ARHGAP11A: variants seen among roughly 807,000 people sequenced by gnomAD.
The protein encoded by ARHGAP11A is rho GTPase-activating protein 11A.
ARHGAP11A carries 36 observed loss-of-function variants against 60.5 expected under a neutral mutation model. The ratio of observed to expected loss-of-function variants is 0.59; its 90% CI spans 0.46 to 0.79. The LOEUF (loss-of-function observed/expected upper bound fraction) is 0.79. ARHGAP11A is among the 30% of genes least tolerant of loss of function. ARHGAP11A has a pLI of 0.00. For missense variants in ARHGAP11A, 1,071 were observed against 1,199.2 expected (o/e 0.89, Z 1.58); for synonymous variants, 362 against 415.5 (o/e 0.87, Z 1.57).
At chr15:32,627,451 C>T (rs770145563) in intron 6 of ARHGAP11A, among the ~76,000 whole-genome samples, 5 of 151,984 alleles carry the variant, frequency 3.3e-5, no homozygotes, top group East Asian at 1.9e-4. Flanking sequence ...TCTTCTTGGC[C>T]GGGCGCGATG....
intron 3 of ARHGAP11A, 107 bp downstream of exon 3, chr15:32,623,695 A>G (rs1260230248): frequency 5.0e-6 from 5 of 1,001,732 alleles, no homozygotes; most frequent in Non-Finnish European, 7.0e-6. Flanking sequence ...ACAGAAATTG[A>G]ATTTGCATTT....
chr15:32,617,506 C>G (rs2053184709), intron 1 of ARHGAP11A, among the ~76,000 whole-genome samples: 1 of 129,996 alleles, frequency 7.7e-6, no homozygotes, highest in Non-Finnish European at 1.6e-5. Context: ...GAGTCTCCCT[C>G]TGTCGCCCAG....
Position 32,632,373 on chromosome 15 carries a change from A to C in ARHGAP11A, c.1106-606A>C, listed in dbSNP as rs1453691877. On this transcript the variant is annotated intron_variant, in intron 8 of 11. Coordinates refer to ENST00000361627, the MANE Select transcript of ARHGAP11A (RefSeq NM_014783.6). ...TTTGCATGGAACACAGCAGCAGCCA[A>C]GGGATTAGGAATGTGTTATAGAATA... Among the ~76,000 whole-genome samples the C allele has an allele frequency of 8.5e-5, 13 of 152,334 alleles. No individual in the cohort carries two copies. In the South Asian group the frequency reaches 2.5e-3, roughly 29 times the overall value.
chr15:32,616,723 C>T (rs2053161316), intron 1 of ARHGAP11A, among the ~76,000 whole-genome samples: 1 of 152,154 alleles, frequency 6.6e-6, no homozygotes. Context: ...CCGGATATTG[C>T]CAGCTTACTG....
At chr15:32,623,276 T>C (rs964573056) in intron 2 of ARHGAP11A, among the ~76,000 whole-genome samples, 3 of 152,186 alleles carry the variant, frequency 2.0e-5, no homozygotes, top group African/African-American at 7.2e-5. Flanking sequence ...AAATTTAGTG[T>C]GCACATTGGA....
Position 32,629,707 on chromosome 15 carries a change from T to C in ARHGAP11A, c.1050T>C (p.Phe350=), listed in dbSNP as rs2053545549. 3 of 1,613,370 alleles carry C rather than the reference T, an allele frequency of 1.9e-6. No homozygotes were observed. The African/African-American group carries it at 4.0e-5, about 22-fold the overall frequency. ...AAAGGAAGTCCATCAAGCACAATTTTAACTTTGAGCTGTTGCCAAGTAATC... is the reference window on the plus strand; with the variant it reads ...AAAGGAAGTCCATCAAGCACAATTTCAACTTTGAGCTGTTGCCAAGTAATC... ...SKKRKSIKHN[F]NFELLPSNLF... is the part of the protein sequence containing the mutation. Residue 350 remains phenylalanine, a synonymous_variant, in exon 8 of 12, where the codon TTT becomes TTC. Coordinates refer to ENST00000361627, the MANE Select transcript of ARHGAP11A (RefSeq NM_014783.6).
chr15:32,637,657 T>G lies in ARHGAP11A; in HGVS notation c.2884T>G (p.Leu962Val). 1 of 1,614,216 alleles carries G rather than the reference T, an allele frequency of 6.2e-7. No homozygotes were observed. Among genetic ancestry groups the G allele is most frequent in the Non-Finnish European group, 8.5e-7 (1 of 1,180,028 alleles). Residue 962 changes from leucine to valine, a missense_variant, in exon 12 of 12, where the codon TTG becomes GTG. Leu to Val is a conservative substitution (Grantham distance 32). Around this residue, in one of 4 missense-constraint regions of ARHGAP11A, gnomAD observed 776 missense variants for 760.2 expected, o/e 1.02. Coordinates refer to ENST00000361627, the MANE Select transcript of ARHGAP11A (RefSeq NM_014783.6). Reference protein sequence around the residue: ...ILSDGQVKVPLDDLTNHDIVK... With the variant: ...ILSDGQVKVPVDDLTNHDIVK... ...ATCTGATGGCCAAGTTAAGGTTCCC[T>G]TGGATGATCTGACTAATCATGATAT...
chr15:32,626,301 AG>A (rs1180508751), intron 6 of ARHGAP11A, among the ~76,000 whole-genome samples: 7 of 152,116 alleles, frequency 4.6e-5, no homozygotes, highest in African/African-American at 1.7e-4. Context: ...GACATGGATT[AG>A]TTAGGAGTAC....
chr15:32,621,524 A>G (rs2053306601), intron 2 of ARHGAP11A, among the ~76,000 whole-genome samples: 2 of 152,204 alleles, frequency 1.3e-5, no homozygotes, highest in Non-Finnish European at 2.9e-5. Flanking sequence ...AGGAAAGTTT[A>G]TGTTTTAAGA....
In ARHGAP11A at chr15:32,620,139, T is replaced by G; in HGVS notation, c.161T>G (p.Leu54Arg). Residue 54 changes from leucine to arginine, a missense_variant, in exon 2 of 12, where the codon CTG becomes CGG. Coordinates refer to ENST00000361627, the MANE Select transcript of ARHGAP11A (RefSeq NM_014783.6). The part of the protein sequence containing the change: ...GKIFGVPFNA[L>R]PHSAVPEYGH... ...ATATTTGGAGTACCTTTTAATGCAC[T>G]GCCCCATTCTGCTGTACCAGAATAT... 1.2e-6 allele frequency: 2 copies of G among 1,612,372 alleles called. No individual in the cohort carries two copies. The highest frequency in any genetic ancestry group is 1.7e-6 in the Non-Finnish European group (2 of 1,179,076).
chr15:32,622,876 AGG>A, intron 2 of ARHGAP11A, among the ~76,000 whole-genome samples: 1 of 152,376 alleles, frequency 6.6e-6, no homozygotes, highest in East Asian at 1.9e-4. Context: ...AGATAAAAGA[AGG>A]TGGCCTTGGA....
Position 32,637,820 on chromosome 15 carries a change from C to T in ARHGAP11A, c.3047C>T (p.Pro1016Leu). Residue 1016 changes from proline (P) to leucine (L), a missense_variant, in exon 12 of 12, where the codon CCA (proline) becomes CTA (leucine). This residue lies in a region of ARHGAP11A where 776 missense variants were observed against 760.2 expected (regional missense o/e 1.02). Transcript: ENST00000361627. ...KHPIGKTQLL[P>L]TSKPVDL ...CCTATCGGAAAAACTCAATTACTAC[C>T]AACAAGTAAACCTGTAGATTTGTAA... The T allele has an allele frequency of 6.2e-7, 1 of 1,602,758 alleles. No homozygotes were observed. The highest frequency in any genetic ancestry group is 8.5e-7 in the Non-Finnish European group (1 of 1,176,112).
Position 32,625,609 on chromosome 15 carries a change from A to C in ARHGAP11A, c.838A>C (p.Arg280=), listed in dbSNP as rs149747594. 1.2e-5 allele frequency: 19 copies of C among 1,613,872 alleles called. No homozygotes were observed. The African/African-American group carries it at 1.7e-4, about 15-fold the overall frequency. The change falls in exon 6 of 12, where the codon AGA becomes CGA. Residue 280 remains arginine, a synonymous_variant. Coordinates refer to ENST00000361627, the MANE Select transcript of ARHGAP11A (RefSeq NM_014783.6). Reference sequence around the variant, plus strand: ...ATATGAAACTCCTGGTGAATATAAGAGAAAGAGAAGACAAAGTGTAGGAGG... The same window carrying C: ...ATATGAAACTCCTGGTGAATATAAGCGAAAGAGAAGACAAAGTGTAGGAGG... The part of the protein sequence containing the change: ...GEYETPGEYK[R]KRRQSVGDFV...
chr15:32,619,007 T>C (rs1055705847), intron 1 of ARHGAP11A, among the ~76,000 whole-genome samples: 1 of 152,184 alleles, frequency 6.6e-6, no homozygotes, highest in Non-Finnish European at 1.5e-5. Context: ...AAGCACTTAC[T>C]ATACTATACT....
intron 9 of ARHGAP11A, 125 bp downstream of exon 9, chr15:32,633,233 T>A (rs1239295363): frequency 1.9e-6 from 2 of 1,066,356 alleles, no homozygotes; most frequent in Non-Finnish European, 2.7e-6. Flanking sequence ...CCCTTCTGCC[T>A]TTATAGTCTT....
chr15:32,617,443 T>C (rs1274048887), intron 1 of ARHGAP11A, among the ~76,000 whole-genome samples: 1 of 150,578 alleles, frequency 6.6e-6, no homozygotes, highest in Non-Finnish European at 1.5e-5. Context: ...GTATATGGAC[T>C]TTTTTTCACC....
chr15:32,622,002 G>C (rs1449773411), intron 2 of ARHGAP11A, among the ~76,000 whole-genome samples: 1 of 152,308 alleles, frequency 6.6e-6, no homozygotes, highest in Admixed American at 6.5e-5. Context: ...GGTTGCCTTA[G>C]GACAGTTTCC....
intron 1 of ARHGAP11A, among the ~76,000 whole-genome samples, chr15:32,618,499 A>G (rs1291536282): frequency 3.9e-5 from 6 of 152,240 alleles, no homozygotes; most frequent in Non-Finnish European, 7.3e-5. Context: ...TGTGTGTCAG[A>G]CACTGATACA....
At chr15:32,625,016 G>A (rs2053424733) in intron 4 of ARHGAP11A, 64 bp from the exon 5 acceptor site, 15 of 1,552,826 alleles carry the variant, frequency 9.7e-6, no homozygotes, top group Non-Finnish European at 1.2e-5. Context: ...TACTACATAC[G>A]TTATTTTAAC....
Sources: allele counts gnomAD v4.1 joint callset (sites outside exome capture counted in the v4.1 genomes callset), GRCh38; gene constraint gnomAD v4.1.1; regional missense constraint gnomAD v4.1.1; transcripts MANE v1.5; gene names NCBI Gene and HGNC (gene_info 2026-07-23, HGNC 2026-07-21).